Variants in OSBPL9 observed in about 807,000 individuals in gnomAD.
OSBPL9 encodes oxysterol-binding protein-related protein 9.
In OSBPL9, 40 loss-of-function variants were observed where a neutral mutation model predicts 106.6. That is an observed-to-expected ratio of 0.38 (90% CI 0.29 to 0.49). The LOEUF (loss-of-function observed/expected upper bound fraction) is 0.49. Among genes scored for constraint, OSBPL9 ranks in the 20% least tolerant of loss-of-function variants. The pLI, the probability that OSBPL9 is intolerant of heterozygous loss-of-function variation, is 0.97. For synonymous variants in OSBPL9, 269 were observed against 295.4 expected (o/e 0.91, Z 0.92); for missense variants, 609 against 887.2 (o/e 0.69, Z 3.98).
intron 1 of OSBPL9, among the ~76,000 whole-genome samples, chr1:51,635,931 T>A (rs1035791116): frequency 6.6e-6 from 1 of 152,118 alleles, no homozygotes; most frequent in African/African-American, 2.4e-5. Context: ...CTTGAACTGA[T>A]GTGTGGCTAT....
In OSBPL9 at chr1:51,760,771, T is replaced by A; in HGVS notation, c.664T>A (p.Leu222Ile). Residue 222 changes from leucine to isoleucine, a missense_variant, in exon 10 of 24, where the codon TTA becomes ATA. By Grantham distance (5) the Leu-to-Ile change is conservative. Transcript: ENST00000428468. ...CAGCACAATGCCTTCCCAGACTGTGTTACCTCCAGGTAATTTGGGAAAATG... is the reference window on the plus strand; with the variant it reads ...CAGCACAATGCCTTCCCAGACTGTGATACCTCCAGGTAATTTGGGAAAATG... ...VISTMPSQTVLPPEPVQLCKS... is the reference protein window; with the variant it reads ...VISTMPSQTVIPPEPVQLCKS... 1 of 1,613,786 alleles carries A rather than the reference T, an allele frequency of 6.2e-7. No individual in the cohort carries two copies. The highest frequency in any genetic ancestry group is 8.5e-7 in the Non-Finnish European group (1 of 1,179,824).
intron 12 of OSBPL9, among the ~76,000 whole-genome samples, chr1:51,771,265 G>A (rs543758843): frequency 4.6e-5 from 7 of 152,158 alleles, no homozygotes; most frequent in Non-Finnish European, 8.8e-5. Context: ...TATCTAAAGC[G>A]TGAGAAATTT....
chr1:51,648,996 A>C (rs892343049), intron 1 of OSBPL9, among the ~76,000 whole-genome samples: 1 of 152,140 alleles, frequency 6.6e-6, no homozygotes, highest in African/African-American at 2.4e-5. Context: ...AACCTTTAGT[A>C]GCTCCCCATT....
the OSBPL9 span, among the ~76,000 whole-genome samples, chr1:51,568,807 A>G: frequency 1.3e-5 from 2 of 152,236 alleles, no homozygotes; most frequent in East Asian, 1.9e-4. Flanking sequence ...TCGGCTCACT[A>G]CAACCTCCAT....
rs189583525 is a variant in OSBPL9 at position 51,753,310 on chromosome 1, T to C, written c.544-3010T>C. Among the ~76,000 whole-genome samples the C allele has an allele frequency of 2.5e-4, 38 of 152,356 alleles. 1 individual carries two copies. The highest frequency in any genetic ancestry group is 1.8e-3 in the Admixed American group (27 of 15,304). On this transcript the variant is annotated intron_variant, in intron 8 of 23. Coordinates refer to ENST00000428468, the MANE Select transcript of OSBPL9 (RefSeq NM_024586.6). ...TTTATCCTTTCTGTGCTTTGGTTTA[T>C]ATTCCATATACAAGAGGGATAATAG...
At chr1:51,666,423 A>C (rs538474357) in intron 2 of OSBPL9, among the ~76,000 whole-genome samples, 183 of 152,186 alleles carry the variant, frequency 1.2e-3, no homozygotes, top group African/African-American at 4.3e-3. Flanking sequence ...TGTTTTTAAA[A>C]ATTTAAAATA....
In OSBPL9 at chr1:51,623,025, T is replaced by G. The variant is rs543882119; in HGVS notation, c.111+5804T>G. ...AAAAACTAGAAGAATGTGGCAGTCA[T>G]GGATGGCAAGGTGGAAGTAGTAAAT... On this transcript the variant is annotated intron_variant, in intron 1 of 23. Transcript: ENST00000428468. Among the ~76,000 whole-genome samples, 3 of 152,286 alleles carry G rather than the reference T, an allele frequency of 2.0e-5. No individual in the cohort carries two copies. In the East Asian group the frequency reaches 5.8e-4, roughly 29 times the overall value.
rs561575345 is a variant in OSBPL9 at position 51,671,905 on chromosome 1, C to T, written c.241+2393C>T. On this transcript the variant is annotated intron_variant, in intron 3 of 23. Transcript: ENST00000428468. ...GGAATGACGTACCCACCCTGCCTTC[C>T]TCCCCAACACAGTCATATACTTTGT... Among the ~76,000 whole-genome samples, 18 of 152,184 alleles carry T rather than the reference C, an allele frequency of 1.2e-4. 1 individual carries two copies. The highest frequency in any genetic ancestry group is 3.9e-4 in the African/African-American group (16 of 41,496).
At chr1:51,749,318 TA>T in intron 7 of OSBPL9, among the ~76,000 whole-genome samples, 1 of 152,200 alleles carries the variant, frequency 6.6e-6, no homozygotes, top group South Asian at 2.1e-4. Context: ...AAAGTCTTTT[TA>T]TTTTTTTTTA....
chr1:51,765,997 G>T lies in OSBPL9; in HGVS notation c.938+16G>T, dbSNP rs371709556. 1 of 1,577,236 alleles carries T rather than the reference G, an allele frequency of 6.3e-7. No homozygotes were observed. Among genetic ancestry groups the T allele is most frequent in the Non-Finnish European group, 8.6e-7 (1 of 1,162,174 alleles). On this transcript the variant is annotated intron_variant, in intron 12 of 23. Coordinates refer to ENST00000428468, the MANE Select transcript of OSBPL9 (RefSeq NM_024586.6). The stretch of plus-strand genomic sequence containing the variant: ...GCTTAATAGAGTGAGTAGATGAACA[G>T]AATATGTATTTAAATGATTCTCCTG...
the OSBPL9 span, chr1:51,567,885 G>A: frequency 6.6e-6 from 1 of 152,204 alleles, no homozygotes; most frequent in Non-Finnish European, 1.5e-5. Context: ...ATAGCTTTAA[G>A]GCAGTTTGCC....
At chr1:51,772,815 T>A (rs1425016522) in intron 14 of OSBPL9, 92 bp downstream of exon 14, 1 of 891,500 alleles carries the variant, frequency 1.1e-6, no homozygotes, top group African/African-American at 1.6e-5. Context: ...TAAAATGACA[T>A]AATTTCTTTT....
At chr1:51,674,446 A>C (rs912507580) in intron 3 of OSBPL9, among the ~76,000 whole-genome samples, 6 of 152,124 alleles carry the variant, frequency 3.9e-5, no homozygotes, top group African/African-American at 1.4e-4. Flanking sequence ...CAGCATCTGA[A>C]ATAGAGAATA....
the OSBPL9 span, among the ~76,000 whole-genome samples, chr1:51,555,601 T>C: frequency 6.6e-6 from 1 of 152,182 alleles, no homozygotes; most frequent in Non-Finnish European, 1.5e-5. Flanking sequence ...GGAGTCTTGC[T>C]CTGTCGCCCA....
intron 1 of OSBPL9, among the ~76,000 whole-genome samples, chr1:51,597,550 T>G (rs1020472627): frequency 4.6e-5 from 7 of 150,814 alleles, no homozygotes; most frequent in Non-Finnish European, 1.0e-4. Flanking sequence ...ACAGAAGAGG[T>G]CTTGGCTACA....
chr1:51,749,780 G>A (rs12118445), intron 7 of OSBPL9, among the ~76,000 whole-genome samples: 2,183 of 151,390 alleles, frequency 0.014, 23 homozygotes, highest in Non-Finnish European at 0.023. Flanking sequence ...GACGGGGATC[G>A]CTTGAGCCTC....
chr1:51,682,628 C>T (rs1180055750), intron 3 of OSBPL9, among the ~76,000 whole-genome samples: 6 of 151,718 alleles, frequency 4.0e-5, no homozygotes, highest in Non-Finnish European at 5.9e-5. Context: ...CCTGGTGGCG[C>T]GCGCCTATAA....
At chr1:51,547,886 A>C in the OSBPL9 span, among the ~76,000 whole-genome samples, 12,549 of 151,776 alleles carry the variant, frequency 0.083, 598 homozygotes, top group African/African-American at 0.11. Flanking sequence ...AATAAAATTT[A>C]GAAGTGACAT....
chr1:51,519,862 A>G, the OSBPL9 span, among the ~76,000 whole-genome samples: 1 of 152,210 alleles, frequency 6.6e-6, no homozygotes, highest in Non-Finnish European at 1.5e-5. Context: ...AGAAGACATT[A>G]AGTCATTCCC....
Sources: gnomAD v4.1 joint callset for allele counts (sites outside exome capture counted in the v4.1 genomes callset) on GRCh38, gnomAD v4.1.1 for gene constraint, MANE v1.5 for transcripts, NCBI Gene and HGNC (gene_info 2026-07-23, HGNC 2026-07-21) for gene names.